Variants in SPTLC3 observed in about 807,000 individuals in gnomAD.
SPTLC3 encodes the protein serine palmitoyltransferase 3.
Under a neutral mutation model 59.3 loss-of-function variants are expected in SPTLC3, and 36 were observed. That is an observed-to-expected ratio of 0.61 (90% CI 0.47 to 0.80). SPTLC3 has a LOEUF of 0.80. Ranked by LOEUF, SPTLC3 falls within the 30% of genes least tolerant of loss-of-function variation. SPTLC3 has a pLI of 0.00. For missense variants in SPTLC3, 625 were observed against 685.1 expected, an observed-to-expected ratio of 0.91 and a Z score of 0.98; for synonymous variants, 257 against 240.8, an observed-to-expected ratio of 1.07 and a Z score of -0.62.
In SPTLC3 at chr20:13,154,112, G is replaced by C. The variant is rs2122962346; in HGVS notation, c.1389G>C (p.Leu463=). The C allele has an allele frequency of 1.2e-6, 2 of 1,614,116 alleles. No homozygotes were observed. The highest frequency in any genetic ancestry group is 1.7e-6 in the Non-Finnish European group (2 of 1,179,974). Residue 463 remains leucine (L), a synonymous_variant, in exon 10 of 12, where the codon CTG becomes CTC. Coordinates refer to ENST00000399002, the MANE Select transcript of SPTLC3 (RefSeq NM_018327.4). The part of the protein sequence containing the change: ...YGNENASVVP[L]LLYMPGKVAA... ...ATGAGAATGCTTCTGTTGTTCCTCT[G>C]CTTCTTTATATGCCTGGTAAAGTAG...
chr20:13,044,477 T>C (rs1987142483), intron 1 of SPTLC3, among the ~76,000 whole-genome samples: 1 of 152,196 alleles, frequency 6.6e-6, no homozygotes, highest in Non-Finnish European at 1.5e-5. Context: ...CGTGAGACTC[T>C]CAGTCCCTTT....
At chr20:13,053,395 C>A (rs763548005) in intron 2 of SPTLC3, among the ~76,000 whole-genome samples, 26 of 152,084 alleles carry the variant, frequency 1.7e-4, no homozygotes, top group Middle Eastern at 3.4e-3. Context: ...TCGAAGGTCA[C>A]CAACATAGAA....
rs1236354105 is a variant in SPTLC3, at chr20:13,165,789, T to C, written c.*922T>C. 6.6e-6 allele frequency: 1 copy of C among 152,194 alleles called. No individual in the cohort carries two copies. The highest frequency in any genetic ancestry group is 1.5e-5 in the Non-Finnish European group (1 of 68,028). 9.4% of individuals were successfully genotyped at this position (152,194 alleles called of 1,614,324 possible). A position where few individuals can be genotyped will look rare whatever the true frequency, so the allele number is the denominator to read the frequency against. On this transcript the variant is annotated 3_prime_UTR_variant, in exon 12 of 12. Coordinates refer to ENST00000399002, the MANE Select transcript of SPTLC3 (RefSeq NM_018327.4). ...TTAGAATCGACTCCCAAGACTATATTTGAAGAATGCATTGATTCAAGAAGG... is the reference window on the plus strand; with the variant it reads ...TTAGAATCGACTCCCAAGACTATATCTGAAGAATGCATTGATTCAAGAAGG...
intron 1 of SPTLC3, among the ~76,000 whole-genome samples, chr20:13,031,676 A>G (rs951121304): frequency 6.6e-6 from 1 of 152,118 alleles, no homozygotes; most frequent in African/African-American, 2.4e-5. Context: ...GACACTACCC[A>G]AGTGATCTTT....
intron 9 of SPTLC3, among the ~76,000 whole-genome samples, chr20:13,148,807 G>T (rs1274193770): frequency 2.6e-5 from 4 of 152,232 alleles, no homozygotes; most frequent in African/African-American, 9.6e-5. Context: ...CATAAGGTTT[G>T]CCAAGCTCTC....
chr20:13,046,173 T>A (rs1285692855), intron 1 of SPTLC3, among the ~76,000 whole-genome samples: 1 of 152,142 alleles, frequency 6.6e-6, no homozygotes, highest in East Asian at 1.9e-4. Context: ...ACAAATTCTG[T>A]CCCAAGCCTA....
At chr20:13,055,787 A>T (rs560051457) in intron 2 of SPTLC3, among the ~76,000 whole-genome samples, 2 of 152,270 alleles carry the variant, frequency 1.3e-5, no homozygotes, top group East Asian at 3.9e-4. Flanking sequence ...TGTGAGGCAG[A>T]GAAGGAAATG....
intron 6 of SPTLC3, among the ~76,000 whole-genome samples, chr20:13,108,909 A>G (rs1990064561): frequency 6.6e-6 from 1 of 152,212 alleles, no homozygotes; most frequent in South Asian, 2.1e-4. Context: ...TAGCATCTCC[A>G]TCTTTTAAAA....
chr20:13,032,837 T>C (rs1986558509), intron 1 of SPTLC3, among the ~76,000 whole-genome samples: 1 of 152,140 alleles, frequency 6.6e-6, no homozygotes. Flanking sequence ...AGGTGGTGAA[T>C]GGGAAACTCA....
chr20:13,113,048 TG>T (rs1277504642), intron 7 of SPTLC3, among the ~76,000 whole-genome samples: 1 of 151,982 alleles, frequency 6.6e-6, no homozygotes, highest in Non-Finnish European at 1.5e-5. Context: ...CCAGGTGTGG[TG>T]GTGCACTCCC....
intron 1 of SPTLC3, among the ~76,000 whole-genome samples, chr20:13,038,564 C>G (rs966525907): frequency 7.2e-5 from 11 of 152,198 alleles, no homozygotes; most frequent in Non-Finnish European, 1.6e-4. Context: ...GCTGGTTTCT[C>G]TTTTTGATTG....
In SPTLC3 at chr20:13,067,076, T is replaced by C. The variant is rs1275434142; in HGVS notation, c.304-5180T>C. ...ATATATATATATATATATATATATA[T>C]ATATATATATATATATATATATATA... On this transcript the variant is annotated intron_variant, in intron 2 of 11. Coordinates refer to ENST00000399002, the MANE Select transcript of SPTLC3 (RefSeq NM_018327.4). 4.9e-3 allele frequency among the ~76,000 whole-genome samples: 30 copies of C among 6,180 alleles called. 9 individuals carry two copies. The highest frequency in any genetic ancestry group is 0.03 in the African/African-American group (30 of 1,012). 4.1% of individuals were successfully genotyped at this position (6,180 alleles called of 152,430 possible).
intron 4 of SPTLC3, among the ~76,000 whole-genome samples, chr20:13,084,020 G>T (rs1218706417): frequency 6.6e-6 from 1 of 152,168 alleles, no homozygotes; most frequent in East Asian, 1.9e-4. Flanking sequence ...ACCATCAAGA[G>T]ATATGAATGG....
At chr20:13,152,285 G>A (rs1023321967) in intron 9 of SPTLC3, among the ~76,000 whole-genome samples, 3 of 152,178 alleles carry the variant, frequency 2.0e-5, no homozygotes, top group African/African-American at 2.4e-5. Context: ...TATAACAGTG[G>A]TGACATTACA....
intron 1 of SPTLC3, among the ~76,000 whole-genome samples, chr20:13,027,565 G>C (rs758356987): frequency 4.0e-5 from 6 of 151,326 alleles, no homozygotes; most frequent in African/African-American, 1.5e-4. Context: ...ATACAACTCC[G>C]TCCACTTCCC....
chr20:13,143,003 G>T (rs2122892641), intron 9 of SPTLC3, among the ~76,000 whole-genome samples: 1 of 152,290 alleles, frequency 6.6e-6, no homozygotes, highest in Admixed American at 6.5e-5. Context: ...CTTCATTACT[G>T]GTGAACATCT....
intron 4 of SPTLC3, 109 bp from the exon 5 acceptor site, chr20:13,090,974 A>C: frequency 7.0e-7 from 1 of 1,434,824 alleles, no homozygotes; most frequent in Non-Finnish European, 9.4e-7. Context: ...TCCTGCTACA[A>C]GCACTCTTGT....
chr20:13,113,257 C>T (rs1005433043), intron 7 of SPTLC3, among the ~76,000 whole-genome samples: 2 of 152,144 alleles, frequency 1.3e-5, no homozygotes, highest in Non-Finnish European at 2.9e-5. Context: ...GTCAATAGTT[C>T]ACAAATGCAC....
intron 9 of SPTLC3, 60 bp downstream of exon 9, chr20:13,126,777 A>G (rs2038003971): frequency 1.3e-6 from 2 of 1,590,656 alleles, no homozygotes; most frequent in East Asian, 4.5e-5. Context: ...CTGCCTCATT[A>G]ATCTCCCCGC....
Sources: gnomAD v4.1 joint callset for allele counts (sites outside exome capture counted in the v4.1 genomes callset) on GRCh38, gnomAD v4.1.1 for gene constraint, MANE v1.5 for transcripts, NCBI Gene and HGNC (gene_info 2026-07-23, HGNC 2026-07-21) for gene names.